The following LCP2 variants were observed in gnomAD, a reference collection of about 807,000 sequenced individuals.
LCP2 encodes the protein 76 kDa tyrosine phosphoprotein.
In LCP2, 29 loss-of-function variants were observed where a neutral mutation model predicts 74.5. That is an observed-to-expected ratio of 0.39 (90% CI 0.29 to 0.53). The LOEUF (loss-of-function observed/expected upper bound fraction) is 0.53, where lower values mean the gene tolerates loss of function less well. Ranked by LOEUF, LCP2 falls within the 20% of genes least tolerant of loss-of-function variation. The probability of loss-of-function intolerance (pLI) is 0.72; values close to 1 mark genes in which losing one functional copy is unlikely to be tolerated. For missense variants in LCP2, 604 were observed against 634.6 expected (o/e 0.95, Z 0.52); for synonymous variants, 228 against 229.5 (o/e 0.99, Z 0.06).
At chr5:170,262,593 G>A (rs749580069) in intron 13 of LCP2, 42 bp downstream of exon 13, 36 of 1,464,850 alleles carry the variant, frequency 2.5e-5, no homozygotes, top group South Asian at 2.0e-4. Flanking sequence ...CCTGTCTGCC[G>A]GCCACTGTGA....
chr5:170,264,978 CTTTTTTTTTT>C (rs58508083), intron 10 of LCP2, among the ~76,000 whole-genome samples: 65 of 109,000 alleles, frequency 6.0e-4, no homozygotes, highest in African/African-American at 2.6e-3. Context: ...CAAAATTTGC[CTTTTTTTTTT>C]TTTTTTTTTT....
intron 17 of LCP2, among the ~76,000 whole-genome samples, chr5:170,254,125 C>G (rs925450028): frequency 6.6e-6 from 1 of 151,950 alleles, no homozygotes; most frequent in Non-Finnish European, 1.5e-5. Context: ...TTTTTTAATC[C>G]TCACAGCAAC....
chr5:170,293,887 CACA>C (rs1380024057), intron 1 of LCP2, among the ~76,000 whole-genome samples: 2 of 152,144 alleles, frequency 1.3e-5, no homozygotes, highest in Non-Finnish European at 2.9e-5. Context: ...TTTTAATGAC[CACA>C]ACATTATTTA....
chr5:170,272,592 A>ATTT (rs1761913090), intron 6 of LCP2, among the ~76,000 whole-genome samples: 59 of 34,256 alleles, frequency 1.7e-3, no homozygotes, highest in Admixed American at 3.3e-3. Context: ...CCCATCAAAT[A>ATTT]TTTTCTTTTT....
chr5:170,268,465 TC>T lies in LCP2; in HGVS notation c.540del (p.Thr182ProfsTer54). 4.5e-6 allele frequency: 1 copy of T among 220,972 alleles called. No homozygotes were observed. The highest frequency in any genetic ancestry group is 8.4e-6 in the Non-Finnish European group (1 of 119,258). 13.7% of individuals were successfully genotyped at this position (220,972 alleles called of 1,614,324 possible). A position where few individuals can be genotyped will look rare whatever the true frequency, so the allele number is the denominator to read the frequency against. On this transcript the variant is annotated frameshift_variant, in exon 8 of 21. Coordinates refer to ENST00000046794, the MANE Select transcript of LCP2 (RefSeq NM_005565.5). LOFTEE classifies it high-confidence loss of function. ...NSMYIDRPPS[G>X]KTPQQPPVPP... ...GGCACAGGAGGCTGCTGGGGGGTTTTCCCAGAGGGGGGCCGGTCTGTGGAAA... is the reference window on the plus strand; with the variant it reads ...GGCACAGGAGGCTGCTGGGGGGTTTTCCAGAGGGGGGCCGGTCTGTGGAAA...
In LCP2 at chr5:170,289,620, TC is replaced by T. The variant is rs1294447924; in HGVS notation, c.142-1605del. 2.3e-4 allele frequency among the ~76,000 whole-genome samples: 17 copies of T among 75,196 alleles called. No individual in the cohort carries two copies. The East Asian group carries it at 5.4e-3, about 24-fold the overall frequency. 49.3% of individuals were successfully genotyped at this position (75,196 alleles called of 152,430 possible). ...CTTTCTTTCTTTCTTTCTTTCTTTT[TC>T]TTTCTTTCTTTCTTTCTTTCTTTCT... On this transcript the variant is annotated intron_variant, in intron 2 of 20. Transcript: ENST00000046794.
At position 170,250,843 on chromosome 5, in the gene LCP2, T is replaced by G; in HGVS notation, c.1366A>C (p.Thr456Pro). The part of the protein sequence containing the change: ...LVRDSSKKTT[T>P]NPYVLMVLYK... ...AACACCATGAGGACATATGGATTGG[T>G]TGTTGTTTTTTTAGAGCTGTCTCTG... The change falls in exon 20 of 21, where the codon ACC (threonine) becomes CCC (proline). Residue 456 changes from threonine to proline, a missense_variant. Thr to Pro is a conservative substitution (Grantham distance 38, BLOSUM62 -1). Transcript: ENST00000046794. 3 of 1,613,526 alleles carry G rather than the reference T, an allele frequency of 1.9e-6. No individual in the cohort carries two copies. In the South Asian group the frequency reaches 3.3e-5, roughly 18 times the overall value.
At chr5:170,295,950 G>T (rs776753283) in intron 1 of LCP2, among the ~76,000 whole-genome samples, 3 of 152,160 alleles carry the variant, frequency 2.0e-5, no homozygotes, top group Non-Finnish European at 4.4e-5. Flanking sequence ...CTGACCCGTG[G>T]TCCATCTCCC....
chr5:170,267,428 T>C, intron 8 of LCP2: 1 of 340,112 alleles, frequency 2.9e-6, no homozygotes, highest in East Asian at 6.1e-5. Context: ...TCAGTACTCA[T>C]GGGGTCCCTA....
intron 2 of LCP2, 98 bp downstream of exon 2, chr5:170,293,212 G>T: frequency 8.5e-7 from 1 of 1,178,018 alleles, no homozygotes; most frequent in Non-Finnish European, 1.2e-6. Context: ...GGGATCCTCG[G>T]GTGTCCCCAG....
intron 14 of LCP2, among the ~76,000 whole-genome samples, chr5:170,260,644 G>C (rs1180355942): frequency 6.6e-6 from 1 of 152,186 alleles, no homozygotes; most frequent in Admixed American, 6.5e-5. Flanking sequence ...AGCATCCCTC[G>C]CAAACAGGGA....
intron 17 of LCP2, among the ~76,000 whole-genome samples, chr5:170,253,971 T>C (rs910995361): frequency 1.3e-5 from 2 of 152,244 alleles, no homozygotes; most frequent in Non-Finnish European, 2.9e-5. Flanking sequence ...GTATTTTCTA[T>C]GTGCCAGGCT....
intron 2 of LCP2, 136 bp downstream of exon 2, chr5:170,293,174 G>T: frequency 2.6e-6 from 2 of 772,834 alleles, no homozygotes; most frequent in Non-Finnish European, 4.5e-6. Context: ...GAGAGAGGGG[G>T]CCCTACCAAA....
At chr5:170,267,394 T>C (rs370746689) in intron 8 of LCP2, 18 of 438,574 alleles carry the variant, frequency 4.1e-5, no homozygotes, top group African/African-American at 3.2e-4. Context: ...GTCTGCCCTC[T>C]CAACTCTTTC....
At chr5:170,260,509 G>C (rs1761632525) in intron 14 of LCP2, among the ~76,000 whole-genome samples, 1 of 152,202 alleles carries the variant, frequency 6.6e-6, no homozygotes, top group African/African-American at 2.4e-5. Context: ...CTCCGTAAAA[G>C]AGAAAAGATG....
chr5:170,271,036 G>A lies in LCP2; in HGVS notation c.325-119C>T, dbSNP rs539905536. 4.9e-6 allele frequency: 4 copies of A among 816,632 alleles called. No individual in the cohort carries two copies. In the South Asian group the frequency reaches 6.0e-5, roughly 12 times the overall value. The allele number at this position is 816,632 out of a possible 1,614,324, so 50.6% of individuals were successfully genotyped here. On this transcript the variant is annotated intron_variant, in intron 6 of 20. Coordinates refer to ENST00000046794, the MANE Select transcript of LCP2 (RefSeq NM_005565.5). ...AGTATAACCCGGGACCAGGCAGCCT[G>A]AAGATGGTTACTCCCATTTTACAGA...
intron 3 of LCP2, among the ~76,000 whole-genome samples, chr5:170,278,324 G>A (rs1185613210): frequency 3.2e-5 from 3 of 94,410 alleles, no homozygotes; most frequent in Non-Finnish European, 6.5e-5. Context: ...TGGGGGGCTG[G>A]GGAGGGGGAT....
In LCP2 at chr5:170,293,345, C is replaced by T; in HGVS notation, c.106G>A (p.Val36Met). ...KLNYKDCEKA[V>M]KKYHIDGARF... ...GCCCCATCGATGTGGTACTTCTTCA[C>T]TGCCTTCTCACAGTCCTTATAGTTG... The change falls in exon 2 of 21, where the codon GTG (valine) becomes ATG (methionine). Residue 36 changes from valine (V) to methionine (M), a missense_variant. Coordinates refer to ENST00000046794, the MANE Select transcript of LCP2 (RefSeq NM_005565.5). The T allele has an allele frequency of 6.2e-7, 1 of 1,605,382 alleles. No homozygotes were observed. Among genetic ancestry groups the T allele is most frequent in the Non-Finnish European group, 8.5e-7 (1 of 1,175,736 alleles).
At position 170,293,376 on chromosome 5, in the gene LCP2, C is replaced by A. The variant is rs745712505; in HGVS notation, c.79-4G>T. ...TCTCACAGTCCTTATAGTTGAGCTG[C>A]AAAGAGAAGGGGAAGGTGTTGTTAG... is the stretch of plus-strand genomic sequence containing the variant. On this transcript the variant is annotated splice_region_variant and splice_polypyrimidine_tract_variant and intron_variant, in intron 1 of 20. Transcript: ENST00000046794. 4 of 1,590,318 alleles carry A rather than the reference C, an allele frequency of 2.5e-6. No individual in the cohort carries two copies. Among genetic ancestry groups the A allele is most frequent in the Non-Finnish European group, 3.4e-6 (4 of 1,167,644 alleles).
Sources: gnomAD v4.1 joint callset for allele counts (sites outside exome capture counted in the v4.1 genomes callset) on GRCh38, gnomAD v4.1.1 for gene constraint, MANE v1.5 for transcripts, NCBI Gene and HGNC (gene_info 2026-07-23, HGNC 2026-07-21) for gene names.